Variants in PPIL2 observed in about 807,000 individuals in gnomAD.
The protein encoded by PPIL2 is peptidylprolyl isomerase like 2.
In PPIL2, 50 loss-of-function variants were observed where a neutral mutation model predicts 75.2. That is an observed-to-expected ratio of 0.66 (90% confidence interval 0.53 to 0.84). PPIL2 has a LOEUF of 0.84. PPIL2 is among the 40% of genes least tolerant of loss of function. The pLI, the probability that PPIL2 is intolerant of heterozygous loss-of-function variation, is 0.00. For synonymous variants in PPIL2, 245 were observed against 258.8 expected (o/e 0.95, Z 0.51); for missense variants, 590 against 685.0 (o/e 0.86, Z 1.55).
chr22:21,683,107 C>T (rs546826354), intron 8 of PPIL2, 75 bp from the exon 9 acceptor site: 24 of 1,268,756 alleles, frequency 1.9e-5, no homozygotes, highest in African/African-American at 4.4e-5. Flanking sequence ...GACAGCTGGC[C>T]GTCCTTTGCT....
chr22:21,687,970 C>G, intron 13 of PPIL2, 103 bp from the exon 14 acceptor site: 1 of 1,454,102 alleles, frequency 6.9e-7, no homozygotes, highest in Middle Eastern at 1.7e-4. Flanking sequence ...AAGAGCCCAG[C>G]CCCTGTGTGG....
intron 2 of PPIL2, chr22:21,670,277 AAAAG>A: frequency 7.1e-7 from 1 of 1,410,556 alleles, no homozygotes; most frequent in Non-Finnish European, 9.5e-7. Flanking sequence ...ATAAGGAATA[AAAAG>A]AATGATAATA....
Position 21,687,672 on chromosome 22 carries a change from G to C in PPIL2, c.927G>C (p.Arg309Ser), listed in dbSNP as rs1248258695. Reference protein sequence around the residue: ...LTPKTCENFIRLCKKHYYDGT... With the variant: ...LTPKTCENFISLCKKHYYDGT... ...CAAAAACCTGCGAAAACTTCATCAG[G>C]CTTTGCAAGAAGCATTATTACGATG... Residue 309 changes from arginine (R) to serine (S), a missense_variant, in exon 13 of 20, where the codon AGG becomes AGC. Arg to Ser is a moderately radical substitution (Grantham distance 110). Transcript: ENST00000398831. 1.2e-6 allele frequency: 2 copies of C among 1,613,382 alleles called. No homozygotes were observed. Among genetic ancestry groups the C allele is most frequent in the South Asian group, 1.1e-5 (1 of 91,074 alleles).
At chr22:21,693,979 A>C in intron 16 of PPIL2, 107 bp downstream of exon 16, 3 of 1,208,526 alleles carry the variant, frequency 2.5e-6, no homozygotes, top group Non-Finnish European at 3.7e-6. Flanking sequence ...GTCATGTGCC[A>C]TGCTGGCCAT....
At position 21,689,458 on chromosome 22, in the gene PPIL2, T is replaced by A. The variant is rs148360045; in HGVS notation, c.1139+609T>A. ...AAAGCAACCTCTTAAGGATTTTTTATAGTTTATGATACTTTTGTAAATGGA... is the reference window on the plus strand; with the variant it reads ...AAAGCAACCTCTTAAGGATTTTTTAAAGTTTATGATACTTTTGTAAATGGA... On this transcript the variant is annotated intron_variant, in intron 15 of 19. Transcript: ENST00000398831. Among the ~76,000 whole-genome samples, 205 of 152,304 alleles carry A rather than the reference T, an allele frequency of 1.3e-3. 2 individuals carry two copies. Among genetic ancestry groups the A allele is most frequent in the Non-Finnish European group, 2.5e-3 (167 of 68,014 alleles).
At chr22:21,678,714 C>T (rs564758258) in intron 6 of PPIL2, among the ~76,000 whole-genome samples, 1 of 152,092 alleles carries the variant, frequency 6.6e-6, no homozygotes, top group South Asian at 2.1e-4. Flanking sequence ...GTTTTCACAT[C>T]AGAAGGATTT....
chr22:21,674,516 G>A (rs1412908618), intron 5 of PPIL2, among the ~76,000 whole-genome samples: 5 of 152,128 alleles, frequency 3.3e-5, no homozygotes, highest in Admixed American at 3.3e-4. Flanking sequence ...AGAGCACTTT[G>A]GGAGGCTCAG....
chr22:21,686,276 C>T (rs1336185477), intron 10 of PPIL2, among the ~76,000 whole-genome samples: 2 of 152,216 alleles, frequency 1.3e-5, no homozygotes, highest in African/African-American at 4.8e-5. Flanking sequence ...TCATAAGAGT[C>T]GGGATCCAGT....
chr22:21,687,370 A>T (rs1439902765), intron 12 of PPIL2, among the ~76,000 whole-genome samples: 1 of 152,124 alleles, frequency 6.6e-6, no homozygotes, highest in Non-Finnish European at 1.5e-5. Flanking sequence ...CCTGGCCAAC[A>T]TGGGGAAACC....
intron 6 of PPIL2, among the ~76,000 whole-genome samples, chr22:21,678,930 C>G (rs546429322): frequency 1.4e-5 from 2 of 140,754 alleles, no homozygotes; most frequent in East Asian, 4.2e-4. Flanking sequence ...GAGTTTCGCT[C>G]TTGTTCCCCA....
At chr22:21,677,647 G>GTGCAGTGAGCCGAGATGGCAGCAT (rs2066932914) in intron 6 of PPIL2, among the ~76,000 whole-genome samples, 1 of 152,250 alleles carries the variant, frequency 6.6e-6, no homozygotes, top group Non-Finnish European at 1.5e-5. Flanking sequence ...GATGGCAGCA[G>GTGCAGTGAGCCGAGATGGCAGCAT]TACAGTCCAG....
At chr22:21,676,821 A>G (rs2066881404) in intron 6 of PPIL2, among the ~76,000 whole-genome samples, 1 of 152,196 alleles carries the variant, frequency 6.6e-6, no homozygotes, top group South Asian at 2.1e-4. Context: ...CCCCTTTTCT[A>G]TTCGACAAAA....
chr22:21,692,100 G>A lies in PPIL2; in HGVS notation c.1140-1716G>A, dbSNP rs1018895070. On this transcript the variant is annotated intron_variant, in intron 15 of 19. Coordinates refer to ENST00000398831, the MANE Select transcript of PPIL2 (RefSeq NM_014337.4). ...AGCCTCTCTGGCTCTGCCCTCTGAG[G>A]GCTTTTTGAAGGCTCACAGCTGGGG... Among the ~76,000 whole-genome samples the A allele has an allele frequency of 4.6e-5, 7 of 152,070 alleles. No homozygotes were observed. In the South Asian group the frequency reaches 1.0e-3, roughly 23 times the overall value.
At chr22:21,687,932 GT>G in intron 13 of PPIL2, 140 bp from the exon 14 acceptor site, 2 of 1,192,452 alleles carry the variant, frequency 1.7e-6, no homozygotes, top group Non-Finnish European at 2.4e-6. Flanking sequence ...ACAAAGGGAG[GT>G]GGCTGGGAGG....
At position 21,696,103 on chromosome 22, in the gene PPIL2, G is replaced by C; in HGVS notation, c.*613G>C. 2 of 979,220 alleles carry C rather than the reference G, an allele frequency of 2.0e-6. No homozygotes were observed. Among genetic ancestry groups the C allele is most frequent in the Non-Finnish European group, 2.4e-6 (2 of 820,342 alleles). The allele number at this position is 979,220 out of a possible 1,614,324, so 60.7% of individuals were successfully genotyped here. Reference sequence around the variant, plus strand: ...ACCTGGGACAAGTTTTCAGACCCCAGACTTACTGAGCCTAAGCCTCTGCAG... The same window carrying C: ...ACCTGGGACAAGTTTTCAGACCCCACACTTACTGAGCCTAAGCCTCTGCAG... On this transcript the variant is annotated 3_prime_UTR_variant, in exon 20 of 20. Coordinates refer to ENST00000398831, the MANE Select transcript of PPIL2 (RefSeq NM_014337.4).
At chr22:21,692,128 T>G (rs1185060533) in intron 15 of PPIL2, among the ~76,000 whole-genome samples, 1 of 152,016 alleles carries the variant, frequency 6.6e-6, no homozygotes, top group East Asian at 1.9e-4. Flanking sequence ...AGCTGGGGTC[T>G]GTCGTGTTCT....
intron 14 of PPIL2, 66 bp from the exon 15 acceptor site, chr22:21,688,666 G>A: frequency 6.7e-7 from 1 of 1,502,094 alleles, no homozygotes; most frequent in South Asian, 1.1e-5. Flanking sequence ...TCGGGACTCT[G>A]AGGTTTCTAG....
chr22:21,676,613 C>T (rs2066873534), intron 6 of PPIL2, among the ~76,000 whole-genome samples: 1 of 151,930 alleles, frequency 6.6e-6, no homozygotes, highest in Admixed American at 6.6e-5. Context: ...GCACATCTTG[C>T]ACCGCCCTTA....
chr22:21,691,375 G>A (rs1387985506), intron 15 of PPIL2, among the ~76,000 whole-genome samples: 4 of 151,862 alleles, frequency 2.6e-5, no homozygotes, highest in Admixed American at 6.6e-5. Flanking sequence ...TGTGATTCTT[G>A]TAATTAAAGA....
Sources: gnomAD v4.1 joint callset for allele counts (sites outside exome capture counted in the v4.1 genomes callset) on GRCh38, gnomAD v4.1.1 for gene constraint, MANE v1.5 for transcripts, NCBI Gene and HGNC (gene_info 2026-07-23, HGNC 2026-07-21) for gene names.